Variants in ZC2HC1B observed in about 807,000 individuals in gnomAD.
ZC2HC1B encodes zinc finger C2HC domain-containing protein 1B.
ZC2HC1B carries 36 observed loss-of-function variants against 31.0 expected under a neutral mutation model. The observed-to-expected ratio is 1.16, with a 90% confidence interval of 0.89 to 1.54. The LOEUF is 1.54. ZC2HC1B is among the 40% of genes most tolerant of loss of function. The pLI is 0.00. For missense variants in ZC2HC1B, 260 were observed against 268.6 expected (o/e 0.97, Z 0.22); for synonymous variants, 73 against 88.0 (o/e 0.83, Z 0.95).
At chr6:143,893,429 A>G (rs1014421375) in intron 4 of ZC2HC1B, among the ~76,000 whole-genome samples, 2 of 152,016 alleles carry the variant, frequency 1.3e-5, no homozygotes, top group Non-Finnish European at 1.5e-5. Context: ...TTAGCCAGGC[A>G]TGGTGGCTCA....
intron 1 of ZC2HC1B, among the ~76,000 whole-genome samples, chr6:143,881,986 T>C (rs1430273881): frequency 6.6e-6 from 1 of 152,110 alleles, no homozygotes; most frequent in Non-Finnish European, 1.5e-5. Context: ...CTAACATCTC[T>C]CTAGTTGTAG....
chr6:143,895,652 T>C lies in ZC2HC1B; in HGVS notation c.350-2900T>C, dbSNP rs1340189880. Among the ~76,000 whole-genome samples, 2 of 152,216 alleles carry C rather than the reference T, an allele frequency of 1.3e-5. No individual in the cohort carries two copies. The highest frequency in any genetic ancestry group is 1.3e-4 in the Admixed American group (2 of 15,282). ...CTGTCAATGATTTAAATTTCTAGGA[T>C]ACTGTGACAGTTTATGGGGACAGTG... On this transcript the variant is annotated intron_variant, in intron 4 of 7. Transcript: ENST00000237275. This position sits in a 1 kb window ranked among gnomAD's most constrained non-coding sequence, Gnocchi z 4.8.
At position 143,886,808 on chromosome 6, in the gene ZC2HC1B, AT is replaced by A. The variant is rs1345369781; in HGVS notation, c.337del (p.Ser113ProfsTer2). 1 of 1,531,714 alleles carries A rather than the reference AT, an allele frequency of 6.5e-7. No homozygotes were observed. The highest frequency in any genetic ancestry group is 1.4e-5 in the African/African-American group (1 of 71,720). The allele number at this position is 1,531,714 out of a possible 1,614,324, so 94.9% of individuals were successfully genotyped here. The part of the protein sequence containing the change: ...GRPLPPPPPP[S>X]LNPDYIQRPY... ...GACCCCTCCCACCTCCACCCCCTCCATCCTTGAACCCAGGTGTGTAGACATT... is the reference window on the plus strand; with the variant it reads ...GACCCCTCCCACCTCCACCCCCTCCACCTTGAACCCAGGTGTGTAGACATT... On this transcript the variant is annotated frameshift_variant, in exon 4 of 8. Transcript: ENST00000237275. LOFTEE classifies it high-confidence loss of function. This position sits in a 1 kb window ranked among gnomAD's most constrained non-coding sequence, Gnocchi z 4.2.
At chr6:143,904,595 A>G (rs1413073676) in intron 6 of ZC2HC1B, among the ~76,000 whole-genome samples, 1 of 152,142 alleles carries the variant, frequency 6.6e-6, no homozygotes, top group African/African-American at 2.4e-5. Context: ...AAATTTTTAA[A>G]ATTTTAGTGA....
chr6:143,896,828 C>G (rs558051550), intron 4 of ZC2HC1B, among the ~76,000 whole-genome samples: 1 of 152,258 alleles, frequency 6.6e-6, no homozygotes, highest in Non-Finnish European at 1.5e-5. Flanking sequence ...TATCATTTCC[C>G]AATGCTGTCC....
chr6:143,886,997 T>A lies in ZC2HC1B; in HGVS notation c.349+176T>A, dbSNP rs1297869022. 6.6e-6 allele frequency among the ~76,000 whole-genome samples: 1 copy of A among 152,216 alleles called. No homozygotes were observed. The highest frequency in any genetic ancestry group is 1.5e-5 in the Non-Finnish European group (1 of 68,038). On this transcript the variant is annotated intron_variant, in intron 4 of 7. Transcript: ENST00000237275. The surrounding 1 kb of genome is among the most constrained non-coding windows in gnomAD (Gnocchi z 4.2). ...TGCATAAAGATTCTGTGTTTCCTTC[T>A]AACTCTGTCTCAACGTGGGAACACC...
chr6:143,902,218 C>T (rs1196332537), intron 5 of ZC2HC1B, among the ~76,000 whole-genome samples: 1 of 152,158 alleles, frequency 6.6e-6, no homozygotes, highest in African/African-American at 2.4e-5. Flanking sequence ...AATAGTGAAG[C>T]TTATTCAAAA....
chr6:143,888,777 TG>T (rs1465754845), intron 4 of ZC2HC1B, among the ~76,000 whole-genome samples: 1 of 152,028 alleles, frequency 6.6e-6, no homozygotes, highest in African/African-American at 2.4e-5. Flanking sequence ...ATAATATTAT[TG>T]CTGATAGTGT....
chr6:143,876,835 G>A (rs919484530), intron 1 of ZC2HC1B, among the ~76,000 whole-genome samples: 7 of 150,064 alleles, frequency 4.7e-5, no homozygotes, highest in East Asian at 1.9e-4. Flanking sequence ...AGTTTTTTTC[G>A]TATTTTTCTG....
chr6:143,882,104 G>A (rs1449946475), intron 1 of ZC2HC1B, among the ~76,000 whole-genome samples: 2 of 151,518 alleles, frequency 1.3e-5, no homozygotes, highest in Non-Finnish European at 2.9e-5. Context: ...TTGGGCCTCC[G>A]TTTTCTCATT....
intron 6 of ZC2HC1B, among the ~76,000 whole-genome samples, chr6:143,906,947 G>A (rs1343321254): frequency 6.6e-6 from 1 of 151,970 alleles, no homozygotes; most frequent in African/African-American, 2.4e-5. Context: ...CCATTCTCCA[G>A]CAGGCCCCAT....
chr6:143,882,251 A>C (rs1426035080), intron 1 of ZC2HC1B, among the ~76,000 whole-genome samples: 4 of 150,262 alleles, frequency 2.7e-5, no homozygotes, highest in African/African-American at 9.9e-5. Flanking sequence ...TTTTAGAAAG[A>C]GCAGCAGTAG....
Position 143,917,822 on chromosome 6 carries a change from A to G in ZC2HC1B, c.598+14670A>G, listed in dbSNP as rs922713457. On this transcript the variant is annotated intron_variant, in intron 6 of 7. Transcript: ENST00000237275. The surrounding 1 kb of genome is among the most constrained non-coding windows in gnomAD (Gnocchi z 4.1). ...TTTGTATAGTAAACTAATAATTCCT[A>G]CATTTGGTCTCTTAAATTATGTATA... Among the ~76,000 whole-genome samples, 4 of 152,222 alleles carry G rather than the reference A, an allele frequency of 2.6e-5. No individual in the cohort carries two copies. Among genetic ancestry groups the G allele is most frequent in the African/African-American group, 7.2e-5 (3 of 41,454 alleles).
Position 143,871,130 on chromosome 6 carries a change from T to C in ZC2HC1B, c.28+6563T>C, listed in dbSNP as rs1777330937. 6.6e-6 allele frequency among the ~76,000 whole-genome samples: 1 copy of C among 152,090 alleles called. No individual in the cohort carries two copies. Among genetic ancestry groups the C allele is most frequent in the African/African-American group, 2.4e-5 (1 of 41,434 alleles). Reference sequence around the variant, plus strand: ...CCCATACCACTGGACCCCTAGAAATTTTATTGTGGAAGAAGTTCCCTAAAT... The same window carrying C: ...CCCATACCACTGGACCCCTAGAAATCTTATTGTGGAAGAAGTTCCCTAAAT... On this transcript the variant is annotated intron_variant, in intron 1 of 7. Transcript: ENST00000237275. This position sits in a 1 kb window ranked among gnomAD's most constrained non-coding sequence, Gnocchi z 4.1.
At chr6:143,893,767 A>G (rs920385045) in intron 4 of ZC2HC1B, among the ~76,000 whole-genome samples, 2 of 151,836 alleles carry the variant, frequency 1.3e-5, no homozygotes, top group Non-Finnish European at 2.9e-5. Context: ...GCTCACTGCA[A>G]GCTCCGCCTC....
Position 143,922,820 on chromosome 6 carries a change from A to G in ZC2HC1B, c.599-14829A>G, listed in dbSNP as rs1170859086. Among the ~76,000 whole-genome samples, 3 of 152,188 alleles carry G rather than the reference A, an allele frequency of 2.0e-5. No homozygotes were observed. The highest frequency in any genetic ancestry group is 4.4e-5 in the Non-Finnish European group (3 of 68,026). The stretch of plus-strand genomic sequence containing the variant: ...ATAGTCCTGCCATAAACAAGAGGAT[A>G]TGGGTATCCCTTTGATATACTGATT... On this transcript the variant is annotated intron_variant, in intron 6 of 7. Coordinates refer to ENST00000237275, the MANE Select transcript of ZC2HC1B (RefSeq NM_001013623.3). This position sits in a 1 kb window ranked among gnomAD's most constrained non-coding sequence, Gnocchi z 5.0.
chr6:143,875,349 G>C (rs1777393128), intron 1 of ZC2HC1B, among the ~76,000 whole-genome samples: 3 of 136,976 alleles, frequency 2.2e-5, no homozygotes, highest in Non-Finnish European at 4.9e-5. Context: ...CCATCATTAT[G>C]CCTTTGGATC....
At position 143,908,319 on chromosome 6, in the gene ZC2HC1B, A is replaced by G. The variant is rs1007252534; in HGVS notation, c.598+5167A>G. Among the ~76,000 whole-genome samples the G allele has an allele frequency of 6.6e-6, 1 of 152,170 alleles. No homozygotes were observed. On this transcript the variant is annotated intron_variant, in intron 6 of 7. Transcript: ENST00000237275. The surrounding 1 kb of genome is among the most constrained non-coding windows in gnomAD (Gnocchi z 4.4). ...TTTTTCTAATTCTGTGAAGAATGTC[A>G]ATGGTAGTTTAATGGAAATTGCATT...
At position 143,913,068 on chromosome 6, in the gene ZC2HC1B, A is replaced by G. The variant is rs1009305946; in HGVS notation, c.598+9916A>G. Among the ~76,000 whole-genome samples, 1 of 152,194 alleles carries G rather than the reference A, an allele frequency of 6.6e-6. No homozygotes were observed. On this transcript the variant is annotated intron_variant, in intron 6 of 7. Transcript: ENST00000237275. This position sits in a 1 kb window ranked among gnomAD's most constrained non-coding sequence, Gnocchi z 5.7. ...TGATGAACTGCCTCTGCCCCTGTCA[A>G]CTTGGTCTCTCCAAAGCCCACAGTC...
Sources: gnomAD v4.1 joint callset for allele counts (sites outside exome capture counted in the v4.1 genomes callset) on GRCh38, gnomAD v4.1.1 for gene constraint, Gnocchi (gnomAD v3.1) non-coding constraint, MANE v1.5 for transcripts, NCBI Gene and HGNC (gene_info 2026-07-23, HGNC 2026-07-21) for gene names.